Variants in MAML2 observed in about 807,000 individuals in gnomAD.
The protein encoded by MAML2 is mastermind like transcriptional coactivator 2.
MAML2 carries 22 observed loss-of-function variants against 96.1 expected under a neutral mutation model. That is an observed-to-expected ratio of 0.23 (90% CI 0.16 to 0.33). The LOEUF (loss-of-function observed/expected upper bound fraction) is 0.33, where lower values mean the gene tolerates loss of function less well. Ranked by LOEUF, MAML2 falls within the 10% of genes least tolerant of loss-of-function variation. The pLI is 1.00. For synonymous variants in MAML2, 561 were observed against 521.3 expected (o/e 1.08, Z -1.04); for missense variants, 1,367 against 1,392.4 (o/e 0.98, Z 0.29).
chr11:95,998,932 T>C (rs187790515), intron 2 of MAML2, among the ~76,000 whole-genome samples: 1 of 152,336 alleles, frequency 6.6e-6, no homozygotes, highest in Admixed American at 6.5e-5. Context: ...GGTTGCAATC[T>C]ATGTCTACAA....
At chr11:96,247,697 C>A (rs1285670829) in intron 1 of MAML2, among the ~76,000 whole-genome samples, 3 of 152,158 alleles carry the variant, frequency 2.0e-5, no homozygotes, top group Admixed American at 6.5e-5. Flanking sequence ...CCCATTCTAG[C>A]ACATTCTTCT....
At chr11:96,148,958 A>G (rs1313200066) in intron 1 of MAML2, among the ~76,000 whole-genome samples, 10 of 152,166 alleles carry the variant, frequency 6.6e-5, no homozygotes, top group Admixed American at 6.5e-4. Flanking sequence ...CTGAATCCTG[A>G]CCTCACATAT....
At chr11:96,033,893 T>C (rs1186342486) in intron 2 of MAML2, among the ~76,000 whole-genome samples, 2 of 152,178 alleles carry the variant, frequency 1.3e-5, no homozygotes, top group Non-Finnish European at 2.9e-5. Flanking sequence ...TCCAATTGTG[T>C]TTCTTAGGCT....
At chr11:96,328,421 T>A (rs1302445227) in intron 1 of MAML2, among the ~76,000 whole-genome samples, 2 of 151,574 alleles carry the variant, frequency 1.3e-5, no homozygotes, top group Non-Finnish European at 2.9e-5. Flanking sequence ...TTGAATGAAA[T>A]AAAATGGCAA....
chr11:96,182,957 C>CTTT (rs11301035), intron 1 of MAML2, among the ~76,000 whole-genome samples: 2 of 108,252 alleles, frequency 1.8e-5, no homozygotes, highest in South Asian at 3.2e-4. Flanking sequence ...CCTTTCTTTT[C>CTTT]TTTTTTTTTT....
chr11:96,111,692 G>A (rs1860127180), intron 1 of MAML2, among the ~76,000 whole-genome samples: 1 of 152,202 alleles, frequency 6.6e-6, no homozygotes, highest in African/African-American at 2.4e-5. Context: ...TGTCCCACAT[G>A]TTGGCCATCT....
At chr11:96,049,903 A>G (rs1378893714) in intron 2 of MAML2, among the ~76,000 whole-genome samples, 1 of 152,196 alleles carries the variant, frequency 6.6e-6, no homozygotes, top group African/African-American at 2.4e-5. Flanking sequence ...GATGTTTATT[A>G]TCATTAATAA....
intron 2 of MAML2, among the ~76,000 whole-genome samples, chr11:96,005,084 C>A (rs1448238438): frequency 6.6e-6 from 1 of 152,220 alleles, no homozygotes; most frequent in East Asian, 1.9e-4. Context: ...CCTCACCAGA[C>A]ACAAATGCCA....
intron 2 of MAML2, among the ~76,000 whole-genome samples, chr11:96,056,440 A>C (rs1043489257): frequency 6.6e-6 from 1 of 151,560 alleles, no homozygotes; most frequent in Non-Finnish European, 1.5e-5. Context: ...TTTGACATGA[A>C]TCTCTTTTGT....
intron 1 of MAML2, among the ~76,000 whole-genome samples, chr11:96,203,931 A>T (rs1225938304): frequency 6.6e-6 from 1 of 152,190 alleles, no homozygotes; most frequent in Admixed American, 6.5e-5. Flanking sequence ...CAGGAAATAG[A>T]TGGTGCACTT....
At chr11:96,104,477 A>T (rs1324917144) in intron 1 of MAML2, among the ~76,000 whole-genome samples, 1 of 152,170 alleles carries the variant, frequency 6.6e-6, no homozygotes, top group Non-Finnish European at 1.5e-5. Flanking sequence ...TGCCCTTGCT[A>T]ACTCCCCTTC....
rs1862527175 is a variant in MAML2 at position 96,247,488 on chromosome 11, A to G, written c.513+93895T>C. 1.3e-5 allele frequency among the ~76,000 whole-genome samples: 2 copies of G among 152,188 alleles called. 1 individual carries two copies. The highest frequency in any genetic ancestry group is 2.9e-5 in the Non-Finnish European group (2 of 68,028). On this transcript the variant is annotated intron_variant, in intron 1 of 4. Coordinates refer to ENST00000524717, the MANE Select transcript of MAML2 (RefSeq NM_032427.4). ...TGGGAAAAATTTAGCATTTTTTACC[A>G]GAATGATAGATTGGCATCTGCTTTC...
At chr11:96,207,368 G>C (rs1861910353) in intron 1 of MAML2, among the ~76,000 whole-genome samples, 1 of 152,226 alleles carries the variant, frequency 6.6e-6, no homozygotes, top group Non-Finnish European at 1.5e-5. Flanking sequence ...CCCCAAATTA[G>C]TTGGTAAATT....
chr11:96,109,534 G>A (rs1860084124), intron 1 of MAML2, among the ~76,000 whole-genome samples: 2 of 152,142 alleles, frequency 1.3e-5, no homozygotes, highest in African/African-American at 4.8e-5. Context: ...GAGAGAATGA[G>A]AAAGAACTTA....
rs1836741309 is a variant in MAML2 at position 96,055,768 on chromosome 11, G to T, written c.2139+36124C>A. Among the ~76,000 whole-genome samples, 3 of 152,264 alleles carry T rather than the reference G, an allele frequency of 2.0e-5. No homozygotes were observed. In the South Asian group the frequency reaches 6.2e-4, roughly 32 times the overall value. On this transcript the variant is annotated intron_variant, in intron 2 of 4. Transcript: ENST00000524717. ...CCAACTTAGTAAACATCAATCTTAG[G>T]CTGTGTTATGTGAAATGGAGTCATA...
chr11:96,185,604 A>T (rs991934279), intron 1 of MAML2, among the ~76,000 whole-genome samples: 1 of 152,224 alleles, frequency 6.6e-6, no homozygotes, highest in Non-Finnish European at 1.5e-5. Flanking sequence ...GCAGACTGGC[A>T]TCACCTGGGA....
chr11:96,114,629 C>G (rs1860202429), intron 1 of MAML2, among the ~76,000 whole-genome samples: 1 of 152,198 alleles, frequency 6.6e-6, no homozygotes, highest in South Asian at 2.1e-4. Flanking sequence ...GAAGTAGCAT[C>G]TAAAGTTTCA....
At chr11:96,018,290 C>T (rs760434205) in intron 2 of MAML2, among the ~76,000 whole-genome samples, 8 of 152,104 alleles carry the variant, frequency 5.3e-5, no homozygotes, top group Non-Finnish European at 1.2e-4. Flanking sequence ...ATGCTTATTA[C>T]ACATCCAAGT....
intron 2 of MAML2, among the ~76,000 whole-genome samples, chr11:96,019,671 CTG>C (rs1858405416): frequency 9.2e-6 from 1 of 108,446 alleles, no homozygotes; most frequent in Non-Finnish European, 2.0e-5. Flanking sequence ...CAGCCAAGGG[CTG>C]ATAATAATAA....
Sources: allele counts gnomAD v4.1 joint callset (sites outside exome capture counted in the v4.1 genomes callset), GRCh38; gene constraint gnomAD v4.1.1; transcripts MANE v1.5; gene names NCBI Gene and HGNC (gene_info 2026-07-23, HGNC 2026-07-21).